Variants in PCDHA3 observed in about 807,000 individuals in gnomAD.
PCDHA3 encodes the protein protocadherin alpha-3.
In PCDHA3, 41 loss-of-function variants were observed where a neutral mutation model predicts 62.2. The ratio of observed to expected loss-of-function variants is 0.66; its 90% CI spans 0.51 to 0.86. The LOEUF (loss-of-function observed/expected upper bound fraction) is 0.86, where lower values mean the gene tolerates loss of function less well. Among genes scored for constraint, PCDHA3 ranks in the 40% least tolerant of loss-of-function variants. The probability of loss-of-function intolerance (pLI) is 0.00; values close to 1 mark genes in which losing one functional copy is unlikely to be tolerated. For missense variants in PCDHA3, 1,304 were observed against 1,241.2 expected (o/e 1.05, Z -0.76); for synonymous variants, 640 against 555.4 (o/e 1.15, Z -2.14).
At chr5:140,877,881 G>T (rs782565949) in intron 1 of PCDHA3, 73 of 1,468,602 alleles carry the variant, frequency 5.0e-5, no homozygotes, top group Non-Finnish European at 5.9e-5. Flanking sequence ...TTTCCTTGAA[G>T]AACTTCCGTT....
At chr5:140,971,958 C>CT (rs1176007834) in intron 1 of PCDHA3, among the ~76,000 whole-genome samples, 3 of 152,054 alleles carry the variant, frequency 2.0e-5, no homozygotes, top group African/African-American at 4.8e-5. Context: ...ACTCCAAAAA[C>CT]TTTTTTTCAA....
intron 1 of PCDHA3, among the ~76,000 whole-genome samples, chr5:140,914,983 G>C (rs2076933598): frequency 7.2e-6 from 1 of 139,166 alleles, no homozygotes; most frequent in Non-Finnish European, 1.5e-5. Context: ...GTCTTGCTCT[G>C]CTACCAGGCT....
Position 140,824,248 on chromosome 5 carries a change from A to C in PCDHA3, c.2394+20657A>C, listed in dbSNP as rs2150133568. On this transcript the variant is annotated intron_variant, in intron 1 of 3. Transcript: ENST00000522353. Reference sequence around the variant, plus strand: ...TTAGTACACAAATATTGTGGTACACAATTATTGCACTAATTCATGTATTAT... The same window carrying C: ...TTAGTACACAAATATTGTGGTACACCATTATTGCACTAATTCATGTATTAT... 7 of 1,434,750 alleles carry C rather than the reference A, an allele frequency of 4.9e-6. No homozygotes were observed. The Admixed American group carries it at 1.2e-4, about 25-fold the overall frequency. 88.9% of individuals were successfully genotyped at this position (1,434,750 alleles called of 1,614,324 possible). A position where few individuals can be genotyped will look rare whatever the true frequency, so the allele number is the denominator to read the frequency against.
chr5:140,927,203 C>G (rs782141467), intron 1 of PCDHA3: 1 of 1,614,104 alleles, frequency 6.2e-7, no homozygotes, highest in Admixed American at 1.7e-5. Context: ...CTCGAGGACC[C>G]GCTGGAGCTG....
At chr5:140,926,998 G>C in intron 1 of PCDHA3, 1 of 1,612,288 alleles carries the variant, frequency 6.2e-7, no homozygotes, top group Non-Finnish European at 8.5e-7. Flanking sequence ...GGGCGTAGCC[G>C]TAGGCAATCT....
intron 1 of PCDHA3, among the ~76,000 whole-genome samples, chr5:140,945,017 T>C (rs1563211481): frequency 6.6e-6 from 1 of 152,172 alleles, no homozygotes; most frequent in Non-Finnish European, 1.5e-5. Context: ...AATTATTTTT[T>C]ACTCAGACAT....
At chr5:140,960,728 A>G (rs200453950) in intron 1 of PCDHA3, among the ~76,000 whole-genome samples, 1 of 30,214 alleles carries the variant, frequency 3.3e-5, no homozygotes, top group African/African-American at 2.6e-4. Flanking sequence ...ATTTTAGTCC[A>G]TGATTTTAGT....
chr5:140,815,446 C>T (rs1765729600), intron 1 of PCDHA3: 1 of 152,060 alleles, frequency 6.6e-6, no homozygotes, highest in Non-Finnish European at 1.5e-5. Context: ...TTACTACAAT[C>T]ACAAAACAAA....
At chr5:140,959,602 CT>C (rs1554224184) in intron 1 of PCDHA3, among the ~76,000 whole-genome samples, 1 of 152,008 alleles carries the variant, frequency 6.6e-6, no homozygotes, top group Admixed American at 6.6e-5. Flanking sequence ...GTATAACATG[CT>C]TTTCTTGCTT....
At chr5:140,938,333 T>G (rs2092022298) in intron 1 of PCDHA3, among the ~76,000 whole-genome samples, 1 of 152,248 alleles carries the variant, frequency 6.6e-6, no homozygotes, top group Non-Finnish European at 1.5e-5. Context: ...GTAATGTTAA[T>G]GGATAATCTT....
At chr5:140,927,186 C>T in intron 1 of PCDHA3, 1 of 1,614,174 alleles carries the variant, frequency 6.2e-7, no homozygotes, top group East Asian at 2.2e-5. Context: ...TGACCTACGA[C>T]CTGGTGCTCG....
At chr5:140,970,221 C>G (rs2096390879) in intron 1 of PCDHA3, among the ~76,000 whole-genome samples, 1 of 152,182 alleles carries the variant, frequency 6.6e-6, no homozygotes, top group South Asian at 2.1e-4. Context: ...TTAAATGCAG[C>G]CTGTAATCTT....
chr5:140,883,804 G>T (rs373228578), intron 1 of PCDHA3: 1 of 1,612,420 alleles, frequency 6.2e-7, no homozygotes, highest in African/African-American at 1.3e-5. Context: ...CGGTGCACGC[G>T]GAGAGCGGCA....
At chr5:140,968,288 C>T (rs782056996) in intron 1 of PCDHA3, 16 of 1,613,976 alleles carry the variant, frequency 9.9e-6, no homozygotes, top group Middle Eastern at 1.6e-4. Context: ...GACCTACTCC[C>T]TTCTGGAGAG....
intron 1 of PCDHA3, chr5:140,812,085 A>G (rs2150028709): frequency 6.7e-6 from 1 of 149,976 alleles, no homozygotes; most frequent in Admixed American, 6.7e-5. Flanking sequence ...GAAAACAATT[A>G]TCATTGATTC....
At chr5:140,985,519 C>G (rs945399310) in intron 3 of PCDHA3, among the ~76,000 whole-genome samples, 7 of 152,120 alleles carry the variant, frequency 4.6e-5, no homozygotes, top group African/African-American at 1.7e-4. Flanking sequence ...TTCTGTTGCC[C>G]TTAAAGCTTC....
At chr5:140,852,893 T>C in intron 1 of PCDHA3, 1 of 907,664 alleles carries the variant, frequency 1.1e-6, no homozygotes, top group Non-Finnish European at 1.3e-6. Context: ...GTATTTTTTT[T>C]TTTGAGTCAG....
rs782766953 is a variant in PCDHA3 at position 140,875,544 on chromosome 5, G to C, written c.2394+71953G>C. On this transcript the variant is annotated intron_variant, in intron 1 of 3. Coordinates refer to ENST00000522353, the MANE Select transcript of PCDHA3 (RefSeq NM_018906.3). ...TCTCGCTTCTGCTCCTTGCAGCCTG[G>C]GAGGTGGGGAGCGGCCAGCTCCACT... 9.0e-5 allele frequency: 146 copies of C among 1,614,052 alleles called. No homozygotes were observed. The East Asian group carries it at 3.2e-3, about 36-fold the overall frequency.
Position 141,009,541 on chromosome 5 carries a change from A to G in PCDHA3, c.2543-86A>G. 8 of 1,530,282 alleles carry G rather than the reference A, an allele frequency of 5.2e-6. No homozygotes were observed. The South Asian group carries it at 6.6e-5, about 13-fold the overall frequency. 94.8% of individuals were successfully genotyped at this position (1,530,282 alleles called of 1,614,324 possible). Reference sequence around the variant, plus strand: ...TTTTCTGGGGAGGTTCAGCCTGCCTATGCAGTACTCCTGTACTCTACCAGC... The same window carrying G: ...TTTTCTGGGGAGGTTCAGCCTGCCTGTGCAGTACTCCTGTACTCTACCAGC... On this transcript the variant is annotated intron_variant, in intron 3 of 3. Coordinates refer to ENST00000522353, the MANE Select transcript of PCDHA3 (RefSeq NM_018906.3).
Sources: gnomAD v4.1 joint callset for allele counts (sites outside exome capture counted in the v4.1 genomes callset) on GRCh38, gnomAD v4.1.1 for gene constraint, MANE v1.5 for transcripts, NCBI Gene and HGNC (gene_info 2026-07-23, HGNC 2026-07-21) for gene names.